The following ADA variants were observed in gnomAD, a reference collection of about 807,000 sequenced individuals.
The protein encoded by ADA is adenosine deaminase, also known as adenosine aminohydrolase.
ADA carries 45 observed loss-of-function variants against 49.0 expected under a neutral mutation model. That is an observed-to-expected ratio of 0.92 (90% CI 0.72 to 1.18). ADA has a LOEUF of 1.18. Among genes scored for constraint, ADA ranks in the 50% most tolerant of loss-of-function variants. The pLI is 0.00. For synonymous variants in ADA, 173 were observed against 184.2 expected (o/e 0.94, Z 0.49); for missense variants, 445 against 472.5 (o/e 0.94, Z 0.54).
intron 1 of ADA, among the ~76,000 whole-genome samples, chr20:44,644,216 C>G (rs1375441997): frequency 6.6e-6 from 1 of 151,898 alleles, no homozygotes; most frequent in African/African-American, 2.4e-5. Flanking sequence ...ACACATCGCT[C>G]TGTTTTGTTT....
At chr20:44,635,025 C>A (rs6094005) in intron 2 of ADA, among the ~76,000 whole-genome samples, 3,548 of 152,304 alleles carry the variant, frequency 0.023, 143 homozygotes, top group African/African-American at 0.081. Flanking sequence ...GGTCATCTCT[C>A]TAGGGAGGGC....
At chr20:44,624,882 A>C (rs1386791888) in intron 5 of ADA, among the ~76,000 whole-genome samples, 1 of 152,272 alleles carries the variant, frequency 6.6e-6, no homozygotes, top group Admixed American at 6.5e-5. Context: ...TGTGCCTTGC[A>C]AGAGGCTGCA....
intron 5 of ADA, among the ~76,000 whole-genome samples, chr20:44,624,966 G>C (rs1203739119): frequency 6.6e-6 from 1 of 152,216 alleles, no homozygotes; most frequent in South Asian, 2.1e-4. Context: ...AGGCTGCTGC[G>C]AGGATTAGAG....
intron 1 of ADA, among the ~76,000 whole-genome samples, chr20:44,641,211 C>T (rs1041662059): frequency 3.3e-5 from 5 of 152,074 alleles, no homozygotes; most frequent in South Asian, 4.2e-4. Flanking sequence ...TGGCCAGTTC[C>T]CAAGGCCTCA....
At chr20:44,623,751 CTT>C (rs34833873) in intron 6 of ADA, among the ~76,000 whole-genome samples, 33 of 132,818 alleles carry the variant, frequency 2.5e-4, no homozygotes, top group Non-Finnish European at 3.4e-4. Context: ...TTCTTTCTTC[CTT>C]TTTTTTTTTT....
chr20:44,636,740 G>T (rs2065484498), intron 1 of ADA, among the ~76,000 whole-genome samples: 1 of 152,188 alleles, frequency 6.6e-6, no homozygotes, highest in Admixed American at 6.5e-5. Flanking sequence ...TAACAAAAGG[G>T]ATTGACCCAG....
chr20:44,637,615 T>C (rs1306958865), intron 1 of ADA, among the ~76,000 whole-genome samples: 1 of 152,162 alleles, frequency 6.6e-6, no homozygotes, highest in Non-Finnish European at 1.5e-5. Flanking sequence ...CTGCCCTGGC[T>C]CAGGGAGGAA....
chr20:44,644,091 G>A (rs2065564894), intron 1 of ADA, among the ~76,000 whole-genome samples: 1 of 142,524 alleles, frequency 7.0e-6, no homozygotes, highest in South Asian at 2.6e-4. Flanking sequence ...CTACCTCCAA[G>A]GCAAACCTAG....
intron 5 of ADA, 61 bp downstream of exon 5, chr20:44,625,508 G>C (rs1225505359): frequency 6.9e-7 from 1 of 1,456,612 alleles, no homozygotes; most frequent in Non-Finnish European, 9.4e-7. Flanking sequence ...CCACTGCTAG[G>C]CCAGGAGGTC....
chr20:44,645,648 C>T (rs1304063934), intron 1 of ADA, among the ~76,000 whole-genome samples: 1 of 152,176 alleles, frequency 6.6e-6, no homozygotes, highest in Non-Finnish European at 1.5e-5. Context: ...CCATTACCAA[C>T]CATGATGATG....
intron 1 of ADA, among the ~76,000 whole-genome samples, chr20:44,639,515 C>A (rs943968827): frequency 5.3e-5 from 8 of 152,080 alleles, no homozygotes; most frequent in Admixed American, 1.3e-4. Flanking sequence ...CGGGTTCAAG[C>A]GATTCTCCTG....
intron 11 of ADA, 94 bp from the exon 12 acceptor site, chr20:44,619,941 C>A: frequency 2.6e-6 from 4 of 1,519,956 alleles, no homozygotes; most frequent in South Asian, 2.3e-5. Flanking sequence ...GAAAGGAACT[C>A]CTTCCTATGA....
Position 44,635,951 on chromosome 20 carries a change from T to A in ADA, c.95+276A>T, listed in dbSNP as rs2065475935. 8.0e-6 allele frequency: 4 copies of A among 499,646 alleles called. No homozygotes were observed. In the East Asian group the frequency reaches 1.4e-4, roughly 17 times the overall value. 31.0% of individuals were successfully genotyped at this position (499,646 alleles called of 1,614,324 possible). Reference sequence around the variant, plus strand: ...CCTGGGAACTACCTTCATGCACGTATGTGGGTGGGTGGGGAGAGCAGGCTC... The same window carrying A: ...CCTGGGAACTACCTTCATGCACGTAAGTGGGTGGGTGGGGAGAGCAGGCTC... On this transcript the variant is annotated intron_variant, in intron 2 of 11. Transcript: ENST00000372874.
chr20:44,633,957 C>A (rs2065456264), intron 2 of ADA, among the ~76,000 whole-genome samples: 1 of 152,252 alleles, frequency 6.6e-6, no homozygotes, highest in Non-Finnish European at 1.5e-5. Flanking sequence ...ACACCCATAT[C>A]TGAGTGTGAC....
chr20:44,622,960 G>A, intron 7 of ADA, 30 bp from the exon 8 acceptor site: 1 of 1,614,236 alleles, frequency 6.2e-7, no homozygotes. Context: ...AGCCAAGTAT[G>A]GGAGGAGGCA....
At chr20:44,644,566 T>C (rs6103803) in intron 1 of ADA, among the ~76,000 whole-genome samples, 80,609 of 151,548 alleles carry the variant, frequency 0.53, 22,166 homozygotes, top group East Asian at 0.75. Flanking sequence ...CCACTGCCAA[T>C]CGAATGTCCC....
At position 44,621,265 on chromosome 20, in the gene ADA, T is replaced by C. The variant is rs557097913; in HGVS notation, c.846-118A>G. 1.6e-5 allele frequency: 21 copies of C among 1,334,834 alleles called. No individual in the cohort carries two copies. The East Asian group carries it at 4.6e-4, about 29-fold the overall frequency. The allele number at this position is 1,334,834 out of a possible 1,614,324, so 82.7% of individuals were successfully genotyped here. ...AGCAGCCTCAAACAGATCTGAAAGA[T>C]CTGATCCTTGTGCAGAGGGGGAAAT... On this transcript the variant is annotated intron_variant, in intron 9 of 11. Coordinates refer to ENST00000372874, the MANE Select transcript of ADA (RefSeq NM_000022.4).
intron 11 of ADA, 39 bp from the exon 12 acceptor site, chr20:44,619,886 T>A (rs2065311295): frequency 6.2e-7 from 1 of 1,613,926 alleles, no homozygotes; most frequent in Admixed American, 1.7e-5. Flanking sequence ...ATCAGGCAAC[T>A]TGTAGTACCC....
At chr20:44,643,682 C>G (rs1052307134) in intron 1 of ADA, among the ~76,000 whole-genome samples, 1 of 152,168 alleles carries the variant, frequency 6.6e-6, no homozygotes. Context: ...CGAGACAGTG[C>G]CTGGCCTCCT....
Sources: gnomAD v4.1 joint callset for allele counts (sites outside exome capture counted in the v4.1 genomes callset) on GRCh38, gnomAD v4.1.1 for gene constraint, MANE v1.5 for transcripts, NCBI Gene and HGNC (gene_info 2026-07-23, HGNC 2026-07-21) for gene names.